ITGA9: variants seen among roughly 807,000 people sequenced by gnomAD.
The protein encoded by ITGA9 is integrin alpha-9.
A neutral mutation model predicts 127.8 loss-of-function variants in ITGA9; 56 were observed. The ratio of observed to expected loss-of-function variants is 0.44; its 90% CI spans 0.35 to 0.55. The LOEUF (loss-of-function observed/expected upper bound fraction) is 0.55. Among genes scored for constraint, ITGA9 ranks in the 20% least tolerant of loss-of-function variants. The pLI, the probability that ITGA9 is intolerant of heterozygous loss-of-function variation, is 0.00. For missense variants in ITGA9, 1,196 were observed against 1,347.1 expected, an observed-to-expected ratio of 0.89 and a Z score of 1.76; for synonymous variants, 508 against 514.5, an observed-to-expected ratio of 0.99 and a Z score of 0.17.
chr3:37,778,727 C>T (rs891684723), intron 24 of ITGA9, among the ~76,000 whole-genome samples: 3 of 151,738 alleles, frequency 2.0e-5, no homozygotes, highest in Non-Finnish European at 2.9e-5. Context: ...AATGACAATG[C>T]TTTCCAAAGC....
At chr3:37,755,529 C>A (rs1269376585) in intron 23 of ITGA9, among the ~76,000 whole-genome samples, 2 of 152,174 alleles carry the variant, frequency 1.3e-5, no homozygotes, top group African/African-American at 4.8e-5. Flanking sequence ...TGCAAAAAGA[C>A]AGTGTTTCCA....
intron 13 of ITGA9, among the ~76,000 whole-genome samples, chr3:37,527,588 G>A (rs936686614): frequency 2.0e-5 from 3 of 152,058 alleles, no homozygotes; most frequent in Non-Finnish European, 4.4e-5. Context: ...CTTTATCAGC[G>A]CTTCCTCTGG....
rs1202058955 is a variant in ITGA9, at chr3:37,512,073, TTTCC to T, written c.898-1646_898-1643del. 7.9e-3 allele frequency among the ~76,000 whole-genome samples: 309 copies of T among 39,126 alleles called. 9 individuals carry two copies. Among genetic ancestry groups the T allele is most frequent in the East Asian group, 0.02 (22 of 1,084 alleles). The allele number at this position is 39,126 out of a possible 152,430, so 25.7% of individuals were successfully genotyped here. On this transcript the variant is annotated intron_variant, in intron 8 of 27. Transcript: ENST00000264741. ...CTTTCTTTCTTTCTTTCTTTCTTTC[TTTCC>T]TTCCTTCCTTCCTTCCTTCCTTCCT...
At chr3:37,809,034 G>A (rs1053209845) in intron 27 of ITGA9, among the ~76,000 whole-genome samples, 1 of 152,024 alleles carries the variant, frequency 6.6e-6, no homozygotes, top group African/African-American at 2.4e-5. Context: ...AAGCCTTAGT[G>A]GCTGTCTTTT....
intron 15 of ITGA9, among the ~76,000 whole-genome samples, chr3:37,628,800 A>G (rs781144891): frequency 2.6e-5 from 4 of 152,236 alleles, no homozygotes; most frequent in Non-Finnish European, 5.9e-5. Flanking sequence ...TCTCAATGCA[A>G]AAGAGATGTG....
chr3:37,736,100 T>A lies in ITGA9; in HGVS notation c.2155-804T>A, dbSNP rs113063087. ...TGGAGAGAGAGAGATCTCTTTGTCTTCTCTTCTTCTGAGTGCACTAATTCC... is the reference window on the plus strand; with the variant it reads ...TGGAGAGAGAGAGATCTCTTTGTCTACTCTTCTTCTGAGTGCACTAATTCC... On this transcript the variant is annotated intron_variant, in intron 19 of 27. Coordinates refer to ENST00000264741, the MANE Select transcript of ITGA9 (RefSeq NM_002207.3). 7.4e-3 allele frequency among the ~76,000 whole-genome samples: 1,120 copies of A among 152,288 alleles called. 9 individuals carry two copies. Among genetic ancestry groups the A allele is most frequent in the South Asian group, 0.012 (59 of 4,824 alleles).
At chr3:37,710,401 C>T (rs926083106) in intron 18 of ITGA9, among the ~76,000 whole-genome samples, 5 of 127,622 alleles carry the variant, frequency 3.9e-5, no homozygotes, top group African/African-American at 2.2e-4. Context: ...AAATAAATAT[C>T]CCCCCCCCAC....
At chr3:37,569,068 G>A (rs1699576485) in intron 15 of ITGA9, among the ~76,000 whole-genome samples, 1 of 152,112 alleles carries the variant, frequency 6.6e-6, no homozygotes, top group Admixed American at 6.6e-5. Flanking sequence ...TTTTTACACT[G>A]CTGATAGACA....
intron 5 of ITGA9, 55 bp from the exon 6 acceptor site, chr3:37,503,123 C>T: frequency 5.6e-6 from 9 of 1,602,210 alleles, no homozygotes; most frequent in Non-Finnish European, 7.7e-6. Context: ...CATTGCATTC[C>T]CCTCCTCCCC....
chr3:37,760,748 G>A (rs1168653997), intron 23 of ITGA9, among the ~76,000 whole-genome samples: 1 of 152,084 alleles, frequency 6.6e-6, no homozygotes, highest in Non-Finnish European at 1.5e-5. Flanking sequence ...ATCTTTAGAT[G>A]GGAAGCTCTT....
chr3:37,799,747 C>T lies in ITGA9; in HGVS notation c.2890-4076C>T, dbSNP rs183559634. Among the ~76,000 whole-genome samples the T allele has an allele frequency of 1.0e-3, 157 of 152,104 alleles. 3 individuals are homozygous for T. Among genetic ancestry groups the T allele is most frequent in the Admixed American group, 9.9e-3 (151 of 15,298 alleles). On this transcript the variant is annotated intron_variant, in intron 26 of 27. Transcript: ENST00000264741. The surrounding 1 kb of genome is among the most constrained non-coding windows in gnomAD (Gnocchi z 4.0). ...CTGAAATAGTGCTGGTGAGAGAAGA[C>T]GAGATGTGAGCCAGGAGGTACCTGG...
At chr3:37,573,486 G>A (rs1699622142) in intron 15 of ITGA9, among the ~76,000 whole-genome samples, 1 of 152,176 alleles carries the variant, frequency 6.6e-6, no homozygotes, top group Non-Finnish European at 1.5e-5. Context: ...TTCAACCACA[G>A]GAGCTAGAGT....
intron 15 of ITGA9, among the ~76,000 whole-genome samples, chr3:37,579,758 G>A (rs1256540452): frequency 6.6e-6 from 1 of 152,002 alleles, no homozygotes; most frequent in Non-Finnish European, 1.5e-5. Context: ...CAGATCCTAG[G>A]CCATTTGGAA....
At chr3:37,569,268 T>C (rs1291662346) in intron 15 of ITGA9, among the ~76,000 whole-genome samples, 2 of 152,210 alleles carry the variant, frequency 1.3e-5, no homozygotes, top group Admixed American at 6.5e-5. Flanking sequence ...TTATTCACTT[T>C]CATGAAGACA....
At chr3:37,486,870 T>G (rs1404207780) in intron 4 of ITGA9, among the ~76,000 whole-genome samples, 1 of 152,230 alleles carries the variant, frequency 6.6e-6, no homozygotes, top group Non-Finnish European at 1.5e-5. Context: ...TCCAAAGATT[T>G]CTGTACCACT....
intron 23 of ITGA9, among the ~76,000 whole-genome samples, chr3:37,771,254 T>C (rs1356770988): frequency 6.6e-6 from 1 of 152,186 alleles, no homozygotes; most frequent in Non-Finnish European, 1.5e-5. Flanking sequence ...TTGGGTTGTC[T>C]GCAACACATG....
intron 15 of ITGA9, among the ~76,000 whole-genome samples, chr3:37,551,335 G>T (rs2125594903): frequency 6.6e-6 from 1 of 152,304 alleles, no homozygotes; most frequent in African/African-American, 2.4e-5. Flanking sequence ...GAAGACGCAT[G>T]AATTGCTGAC....
intron 15 of ITGA9, among the ~76,000 whole-genome samples, chr3:37,593,617 GA>G (rs1466263623): frequency 4.6e-5 from 7 of 152,336 alleles, no homozygotes; most frequent in Admixed American, 4.6e-4. Flanking sequence ...TGAAGGCTAT[GA>G]CCTCCTCTAA....
At chr3:37,636,032 T>C (rs1700275229) in intron 16 of ITGA9, among the ~76,000 whole-genome samples, 2 of 152,060 alleles carry the variant, frequency 1.3e-5, no homozygotes, top group East Asian at 3.8e-4. Flanking sequence ...AGTCTATCGT[T>C]GTTGGACATT....
Sources: allele counts gnomAD v4.1 joint callset (sites outside exome capture counted in the v4.1 genomes callset), GRCh38; gene constraint gnomAD v4.1.1; non-coding constraint Gnocchi (gnomAD v3.1); transcripts MANE v1.5; gene names NCBI Gene and HGNC (gene_info 2026-07-23, HGNC 2026-07-21).